The following CELF2 variants were observed in gnomAD, a reference collection of about 807,000 sequenced individuals.
CELF2 encodes CUG triplet repeat RNA-binding protein 2.
CELF2 carries 8 observed loss-of-function variants against 62.6 expected under a neutral mutation model. The observed-to-expected ratio is 0.13, with a 90% CI of 0.07 to 0.23. The LOEUF is 0.23. Ranked by LOEUF, CELF2 falls within the 10% of genes least tolerant of loss-of-function variation. The probability of loss-of-function intolerance (pLI) is 1.00; values close to 1 mark genes in which losing one functional copy is unlikely to be tolerated. For synonymous variants in CELF2, 258 were observed against 250.0 expected (o/e 1.03, Z -0.30); for missense variants, 333 against 671.0 (o/e 0.50, Z 5.56).
chr10:10,762,760 G>A, the CELF2 span, among the ~76,000 whole-genome samples: 4 of 152,098 alleles, frequency 2.6e-5, no homozygotes, highest in Non-Finnish European at 5.9e-5. Flanking sequence ...AAAAAAATGA[G>A]GTCAGCTGTG....
At chr10:11,113,819 G>A (rs568927985) in intron 1 of CELF2, among the ~76,000 whole-genome samples, 14 of 152,252 alleles carry the variant, frequency 9.2e-5, no homozygotes, top group African/African-American at 2.2e-4. Context: ...AGAAACAAAA[G>A]CAAGGTTCTT....
At chr10:10,950,996 G>C (rs1327267669) in intron 2 of CELF2, among the ~76,000 whole-genome samples, 1 of 152,106 alleles carries the variant, frequency 6.6e-6, no homozygotes, top group Non-Finnish European at 1.5e-5. Flanking sequence ...ATAGGACTGT[G>C]GTAACTCATG....
Position 10,934,854 on chromosome 10 carries a change from TCCTGG to T in CELF2, c.89+14856_89+14860del, listed in dbSNP as rs926749353. On this transcript the variant is annotated intron_variant, in intron 2 of 13. Coordinates refer to the CELF2 transcript ENST00000636488. The surrounding 1 kb of genome is among the most constrained non-coding windows in gnomAD (Gnocchi z 4.4). ...CCAAATGGGTTTTGCAGTTGTCTTA[TCCTGG>T]TGACATTCCCTGCTAAATTAGACAA... The T allele has an allele frequency of 4.1e-4, 63 of 152,354 alleles. No individual in the cohort carries two copies. The highest frequency in any genetic ancestry group is 1.4e-3 in the African/African-American group (60 of 41,584). The allele number at this position is 152,354 out of a possible 1,614,324, so 9.4% of individuals were successfully genotyped here.
intron 1 of CELF2, among the ~76,000 whole-genome samples, chr10:10,856,069 G>A (rs2059686594): frequency 6.6e-6 from 1 of 152,018 alleles, no homozygotes. Flanking sequence ...TTGTCTTTCT[G>A]GAGAACTTAA....
At chr10:10,988,435 G>A (rs570271305) in intron 2 of CELF2, among the ~76,000 whole-genome samples, 251 of 152,124 alleles carry the variant, frequency 1.6e-3, no homozygotes, top group African/African-American at 5.5e-3. Context: ...AATATCGTAC[G>A]TTCTCACTTA....
chr10:11,179,877 T>C (rs2072696681), intron 2 of CELF2, among the ~76,000 whole-genome samples: 1 of 152,150 alleles, frequency 6.6e-6, no homozygotes, highest in South Asian at 2.1e-4. Flanking sequence ...AATCAGGTCT[T>C]AAATTAGCAA....
At chr10:10,558,213 A>G in the CELF2 span, among the ~76,000 whole-genome samples, 1 of 152,190 alleles carries the variant, frequency 6.6e-6, no homozygotes, top group Non-Finnish European at 1.5e-5. Flanking sequence ...CGTCCCATCA[A>G]TACCTAATTT....
At chr10:10,517,256 G>A in the CELF2 span, among the ~76,000 whole-genome samples, 1 of 152,150 alleles carries the variant, frequency 6.6e-6, no homozygotes, top group Admixed American at 6.5e-5. Flanking sequence ...AGGCTTCCCA[G>A]GCTGAGGGGG....
chr10:10,562,769 A>G, the CELF2 span, among the ~76,000 whole-genome samples: 1 of 124,332 alleles, frequency 8.0e-6, no homozygotes, highest in Non-Finnish European at 1.6e-5. Flanking sequence ...TTTCACTTCC[A>G]GGTCAGATAC....
In CELF2 at chr10:11,290,943, A is replaced by G. The variant is rs1311107640; in HGVS notation, c.976+2391A>G. On this transcript the variant is annotated intron_variant, in intron 9 of 12. Transcript: ENST00000633077. The surrounding 1 kb of genome is among the most constrained non-coding windows in gnomAD (Gnocchi z 4.3). ...TTAAGTGAAAGTAAATTATTTGTCT[A>G]ATTTCCATCAGGGACTTTTTGAAAG... 1.3e-5 allele frequency among the ~76,000 whole-genome samples: 2 copies of G among 152,246 alleles called. No individual in the cohort carries two copies. The highest frequency in any genetic ancestry group is 4.8e-5 in the African/African-American group (2 of 41,470).
chr10:10,691,010 T>TC, the CELF2 span, among the ~76,000 whole-genome samples: 3 of 152,212 alleles, frequency 2.0e-5, no homozygotes, highest in African/African-American at 7.2e-5. Flanking sequence ...ATGGTGATTT[T>TC]TTTTTATTAT....
At chr10:11,261,042 A>G (rs1287271243) in intron 5 of CELF2, among the ~76,000 whole-genome samples, 1 of 152,250 alleles carries the variant, frequency 6.6e-6, no homozygotes, top group Non-Finnish European at 1.5e-5. Context: ...AAACAAAAGC[A>G]TGGCTGCTCT....
At chr10:11,257,330 C>A (rs2137813996) in intron 4 of CELF2, among the ~76,000 whole-genome samples, 4 of 78,878 alleles carry the variant, frequency 5.1e-5, no homozygotes, top group African/African-American at 1.1e-4. Flanking sequence ...GTTAAAAGAC[C>A]ATCTACAAAA....
rs2058968374 is a variant in CELF2 at position 10,845,671 on chromosome 10, A to G, written c.53+46854A>G. On this transcript the variant is annotated intron_variant, in intron 1 of 13. Transcript: ENST00000636488. ...ATACATGTCTCAGAATATCACATGT[A>G]TATATCACATGCATCTACAATTTTT... 2.6e-5 allele frequency among the ~76,000 whole-genome samples: 4 copies of G among 152,324 alleles called. No homozygotes were observed. The South Asian group carries it at 6.2e-4, about 24-fold the overall frequency.
rs1424109483 is a variant in CELF2 at position 11,153,572 on chromosome 10, G to A, written c.75-11914G>A. On this transcript the variant is annotated intron_variant, in intron 1 of 12. Transcript: ENST00000633077. ...GAGTAACTCTCTTGTGTCACAGGTCGTACCTGACTCTGCTTATGTGGCAAG... is the reference window on the plus strand; with the variant it reads ...GAGTAACTCTCTTGTGTCACAGGTCATACCTGACTCTGCTTATGTGGCAAG... 3.9e-5 allele frequency among the ~76,000 whole-genome samples: 6 copies of A among 152,148 alleles called. No individual in the cohort carries two copies. In the East Asian group the frequency reaches 5.8e-4, roughly 15 times the overall value.
chr10:10,833,013 C>CTGTGTG (rs71378768), intron 1 of CELF2, among the ~76,000 whole-genome samples: 4,704 of 144,538 alleles, frequency 0.033, 81 homozygotes, highest in South Asian at 0.053. Context: ...ACAGAAAACT[C>CTGTGTG]TGTGTGTGTG....
chr10:10,690,149 T>C, the CELF2 span, among the ~76,000 whole-genome samples: 43,448 of 152,134 alleles, frequency 0.29, 6,407 homozygotes, highest in South Asian at 0.48. Flanking sequence ...CATTGGCTTC[T>C]AAGACTATAT....
At chr10:10,600,436 TATA>T in the CELF2 span, among the ~76,000 whole-genome samples, 59 of 152,330 alleles carry the variant, frequency 3.9e-4, no homozygotes, top group African/African-American at 1.4e-3. Flanking sequence ...GATTTTCACT[TATA>T]ATGTCTTTTA....
chr10:10,644,700 A>C, the CELF2 span, among the ~76,000 whole-genome samples: 1 of 152,194 alleles, frequency 6.6e-6, no homozygotes, highest in Non-Finnish European at 1.5e-5. Context: ...GTGGTTTGCT[A>C]GAAAAATGAA....
Sources: gnomAD v4.1 joint callset for allele counts (sites outside exome capture counted in the v4.1 genomes callset) on GRCh38, gnomAD v4.1.1 for gene constraint, Gnocchi (gnomAD v3.1) non-coding constraint, MANE v1.5 for transcripts, NCBI Gene and HGNC (gene_info 2026-07-23, HGNC 2026-07-21) for gene names.